The following MED13 variants were observed in gnomAD, a reference collection of about 807,000 sequenced individuals.
MED13 encodes mediator of RNA polymerase II transcription subunit 13.
MED13 carries 23 observed loss-of-function variants against 225.2 expected under a neutral mutation model. The observed-to-expected ratio is 0.10, with a 90% CI of 0.07 to 0.14. The LOEUF (loss-of-function observed/expected upper bound fraction) is 0.14, where lower values mean the gene tolerates loss of function less well. Ranked by LOEUF, MED13 falls within the 10% of genes least tolerant of loss-of-function variation. The probability of loss-of-function intolerance (pLI) is 1.00; values close to 1 mark genes in which losing one functional copy is unlikely to be tolerated. For synonymous variants in MED13, 942 were observed against 889.2 expected, an observed-to-expected ratio of 1.06 and a Z score of -1.06; for missense variants, 2,197 against 2,594.5, an observed-to-expected ratio of 0.85 and a Z score of 3.33.
rs938271685 is a variant in MED13 at position 61,945,287 on chromosome 17, A to C, written c.*1181T>G. 1 of 152,354 alleles carries C rather than the reference A, an allele frequency of 6.6e-6. No homozygotes were observed. Among genetic ancestry groups the C allele is most frequent in the Non-Finnish European group, 1.5e-5 (1 of 68,036 alleles). 9.4% of individuals were successfully genotyped at this position (152,354 alleles called of 1,614,324 possible). ...CATTCCCAATCTTTAATTTAAAAAA[A>C]AAAGTCAAACAATCAAGAATGACTG... On this transcript the variant is annotated 3_prime_UTR_variant, in exon 30 of 30. Transcript: ENST00000397786.
rs2080755498 is a variant in MED13 at position 62,031,437 on chromosome 17, G to C, written c.1009+7C>G. The C allele has an allele frequency of 6.3e-7, 1 of 1,591,640 alleles. No individual in the cohort carries two copies. Among genetic ancestry groups the C allele is most frequent in the South Asian group, 1.1e-5 (1 of 87,350 alleles). On this transcript the variant is annotated splice_region_variant and intron_variant, in intron 6 of 29. Coordinates refer to ENST00000397786, the MANE Select transcript of MED13 (RefSeq NM_005121.3). ...ACCAGAGCTGATGAGACAAATTACT[G>C]CTATACCTGTTTGGACTTCCTCAGG...
chr17:61,992,227 T>C (rs1450491522), intron 11 of MED13, among the ~76,000 whole-genome samples: 2 of 152,214 alleles, frequency 1.3e-5, no homozygotes, highest in Non-Finnish European at 2.9e-5. Flanking sequence ...CCTTCATTCT[T>C]TTACTTCCTT....
At chr17:61,950,037 A>G (rs963749164) in intron 28 of MED13, among the ~76,000 whole-genome samples, 4 of 152,238 alleles carry the variant, frequency 2.6e-5, no homozygotes, top group Non-Finnish European at 4.4e-5. Flanking sequence ...GCAGTGCAGT[A>G]TGATGTAATT....
At chr17:61,966,165 A>G (rs2080056279) in intron 19 of MED13, among the ~76,000 whole-genome samples, 1 of 152,236 alleles carries the variant, frequency 6.6e-6, no homozygotes, top group Non-Finnish European at 1.5e-5. Context: ...ATCAGACCCT[A>G]CAGAGGCAAC....
At chr17:61,947,050 C>A (rs867633079) in intron 28 of MED13, 33 bp from the exon 29 acceptor site, 3 of 1,464,230 alleles carry the variant, frequency 2.0e-6, no homozygotes, top group Middle Eastern at 1.7e-4. Context: ...ATCAGTCAGC[C>A]AAACAGAAAA....
rs762841316 is a variant in MED13, at chr17:61,995,311, T to C, written c.2022A>G (p.Gln674=). Residue 674 remains glutamine, a synonymous_variant, in exon 10 of 30, where the codon CAA becomes CAG. Coordinates refer to ENST00000397786, the MANE Select transcript of MED13 (RefSeq NM_005121.3). ...AAAGACACTGGTTTTTAATTTGATATTGCTGCACTAATTCATCAGAAACTT... is the reference window on the plus strand; with the variant it reads ...AAAGACACTGGTTTTTAATTTGATACTGCTGCACTAATTCATCAGAAACTT... ...PLKVSDELVQ[Q]YQIKNQCLSA... 4 of 1,613,790 alleles carry C rather than the reference T, an allele frequency of 2.5e-6. No homozygotes were observed. The highest frequency in any genetic ancestry group is 2.5e-6 in the Non-Finnish European group (3 of 1,179,920).
At chr17:62,064,193 G>A (rs1338161169) in intron 1 of MED13, among the ~76,000 whole-genome samples, 1 of 152,158 alleles carries the variant, frequency 6.6e-6, no homozygotes, top group Non-Finnish European at 1.5e-5. Context: ...ATAGCACAAA[G>A]GAGAAAATGA....
chr17:61,962,847 T>G lies in MED13; in HGVS notation c.4969A>C (p.Asn1657His). ...CCCAATGTCCACACACTAGAAGAGTTAGTGCTCTCGTCTGTATTTTCGTAT... is the reference window on the plus strand; with the variant it reads ...CCCAATGTCCACACACTAGAAGAGTGAGTGCTCTCGTCTGTATTTTCGTAT... ...FTYENTDEST[N>H]SSSVWTLGLL... Residue 1657 changes from asparagine (N) to histidine (H), a missense_variant, in exon 21 of 30, where the codon AAC becomes CAC. Coordinates refer to ENST00000397786, the MANE Select transcript of MED13 (RefSeq NM_005121.3). 1.9e-6 allele frequency: 3 copies of G among 1,614,086 alleles called. No homozygotes were observed. The highest frequency in any genetic ancestry group is 2.5e-6 in the Non-Finnish European group (3 of 1,179,978).
intron 9 of MED13, among the ~76,000 whole-genome samples, chr17:62,010,216 CAAAA>C (rs759874676): frequency 2.2e-5 from 2 of 89,670 alleles, no homozygotes; most frequent in Non-Finnish European, 4.7e-5. Context: ...GACTCTGTCT[CAAAA>C]AAAAAAAAAA....
rs908036997 is a variant in MED13 at position 62,060,476 on chromosome 17, C to T, written c.301+2591G>A. On this transcript the variant is annotated intron_variant, in intron 2 of 29. Coordinates refer to ENST00000397786, the MANE Select transcript of MED13 (RefSeq NM_005121.3). ...TCTATTAAAAATACAAAAAATTAGCCGGGCGTGGTGGTGGGCGCCTGTAGT... is the reference window on the plus strand; with the variant it reads ...TCTATTAAAAATACAAAAAATTAGCTGGGCGTGGTGGTGGGCGCCTGTAGT... 7.3e-5 allele frequency among the ~76,000 whole-genome samples: 11 copies of T among 151,408 alleles called. No individual in the cohort carries two copies. The East Asian group carries it at 8.0e-4, about 11-fold the overall frequency.
At chr17:62,036,786 A>G (rs1380475024) in intron 3 of MED13, 2 of 152,208 alleles carry the variant, frequency 1.3e-5, no homozygotes, top group African/African-American at 4.8e-5. Flanking sequence ...TAGAACAAGA[A>G]ATAGAAATTT....
Position 61,944,944 on chromosome 17 carries a change from G to A in MED13, c.*1524C>T, listed in dbSNP as rs2079841157. ...TTATCTTGGCATGTGCAAACAAGAA[G>A]GGGGAAAGTTGTATTGAAGGAGGGG... On this transcript the variant is annotated 3_prime_UTR_variant, in exon 30 of 30. Coordinates refer to ENST00000397786, the MANE Select transcript of MED13 (RefSeq NM_005121.3). 6.5e-6 allele frequency: 1 copy of A among 152,694 alleles called. No individual in the cohort carries two copies. The highest frequency in any genetic ancestry group is 2.1e-4 in the South Asian group (1 of 4,818). The allele number at this position is 152,694 out of a possible 1,614,324, so 9.5% of individuals were successfully genotyped here.
intron 20 of MED13, among the ~76,000 whole-genome samples, chr17:61,964,218 G>C (rs1318381750): frequency 6.6e-6 from 1 of 152,190 alleles, no homozygotes; most frequent in African/African-American, 2.4e-5. Flanking sequence ...CCCACCCTCA[G>C]ATTCTAGAAT....
chr17:62,011,970 A>G (rs532893806), intron 8 of MED13, among the ~76,000 whole-genome samples: 1 of 152,174 alleles, frequency 6.6e-6, no homozygotes, highest in Non-Finnish European at 1.5e-5. Flanking sequence ...CAATCCCAGC[A>G]CTTTGGGAGG....
chr17:61,993,081 T>C (rs1042893161), intron 10 of MED13, among the ~76,000 whole-genome samples: 1 of 151,874 alleles, frequency 6.6e-6, no homozygotes, highest in African/African-American at 2.4e-5. Context: ...ATGTTTATCT[T>C]ATAGACAAAA....
chr17:61,964,521 C>T (rs544340187), intron 20 of MED13, among the ~76,000 whole-genome samples: 58 of 152,172 alleles, frequency 3.8e-4, no homozygotes, highest in Admixed American at 2.5e-3. Flanking sequence ...GCCGTGATCA[C>T]GCCACTATAC....
intron 16 of MED13, among the ~76,000 whole-genome samples, chr17:61,975,399 T>C (rs1243404784): frequency 6.6e-6 from 1 of 152,140 alleles, no homozygotes; most frequent in Non-Finnish European, 1.5e-5. Flanking sequence ...GAAACCACAA[T>C]GAGATACTAC....
At chr17:62,039,026 G>C (rs16945801) in intron 3 of MED13, among the ~76,000 whole-genome samples, 24,358 of 151,938 alleles carry the variant, frequency 0.16, 2,389 homozygotes, top group East Asian at 0.5. Context: ...TGATATAAAG[G>C]GATAAATTGG....
chr17:61,943,927 C>T lies in MED13; in HGVS notation c.*2541G>A, dbSNP rs1333463010. 2 of 152,502 alleles carry T rather than the reference C, an allele frequency of 1.3e-5. No homozygotes were observed. The highest frequency in any genetic ancestry group is 2.9e-5 in the Non-Finnish European group (2 of 68,002). 9.4% of individuals were successfully genotyped at this position (152,502 alleles called of 1,614,324 possible). On this transcript the variant is annotated 3_prime_UTR_variant, in exon 30 of 30. Transcript: ENST00000397786. ...CTATAAAGTATAATATTTTGCTTAC[C>T]TATTTAAACAAAACTACCCATATTT...
Sources: allele counts gnomAD v4.1 joint callset (sites outside exome capture counted in the v4.1 genomes callset), GRCh38; gene constraint gnomAD v4.1.1; transcripts MANE v1.5; gene names NCBI Gene and HGNC (gene_info 2026-07-23, HGNC 2026-07-21).